Variants in ZBTB41 observed in about 807,000 individuals in gnomAD.
ZBTB41 encodes the protein zinc finger and BTB domain-containing protein 41.
ZBTB41 carries 42 observed loss-of-function variants against 87.6 expected under a neutral mutation model. The observed-to-expected ratio is 0.48, with a 90% CI of 0.37 to 0.62. The LOEUF (loss-of-function observed/expected upper bound fraction) is 0.62, where lower values mean the gene tolerates loss of function less well. Among genes scored for constraint, ZBTB41 ranks in the 20% least tolerant of loss-of-function variants. The pLI is 0.00. For synonymous variants in ZBTB41, 364 were observed against 364.0 expected (o/e 1.00, Z 0.00); for missense variants, 799 against 1,078.9 (o/e 0.74, Z 3.63).
intron 10 of ZBTB41, among the ~76,000 whole-genome samples, chr1:197,162,102 T>C (rs1659215676): frequency 6.6e-6 from 1 of 152,162 alleles, no homozygotes; most frequent in African/African-American, 2.4e-5. Flanking sequence ...TTCCTTTGAG[T>C]AGTTTCCATT....
At chr1:197,165,069 CATAA>C in intron 10 of ZBTB41, among the ~76,000 whole-genome samples, 1 of 148,614 alleles carries the variant, frequency 6.7e-6, no homozygotes, top group South Asian at 2.1e-4. Context: ...GAGATTTTCA[CATAA>C]ATATCTCAGT....
chr1:197,165,596 C>A (rs927774533), intron 10 of ZBTB41, among the ~76,000 whole-genome samples: 1 of 147,678 alleles, frequency 6.8e-6, no homozygotes, highest in Non-Finnish European at 1.5e-5. Context: ...GGTGACAGAG[C>A]GAGACTCTAT....
Position 197,200,289 on chromosome 1 carries a change from T to C in ZBTB41, c.185A>G (p.Lys62Arg), listed in dbSNP as rs766031854. The change falls in exon 2 of 11, where the codon AAG becomes AGG. Residue 62 changes from lysine to arginine, a missense_variant. Around this residue, in one of 5 missense-constraint regions of ZBTB41, gnomAD observed 77 missense variants for 68.4 expected, o/e 1.13. Transcript: ENST00000367405. ...QELPPSPDQR[K>R]LLSSLQYNKN... ...ATTATACTGCAAAGAACTTAAAAGC[T>C]TTCTCTGATCTGGAGAGGGAGGAAG... The C allele has an allele frequency of 1.8e-5, 29 of 1,613,032 alleles. No homozygotes were observed. Among genetic ancestry groups the C allele is most frequent in the Non-Finnish European group, 2.4e-5 (28 of 1,179,792 alleles).
chr1:197,193,188 C>G (rs755531961), intron 2 of ZBTB41, among the ~76,000 whole-genome samples: 2 of 152,062 alleles, frequency 1.3e-5, no homozygotes, highest in Non-Finnish European at 2.9e-5. Flanking sequence ...GTTAGTAACA[C>G]TTCATGGGGT....
In ZBTB41 at chr1:197,199,576, T is replaced by C. The variant is rs1295128952; in HGVS notation, c.898A>G (p.Ser300Gly). Residue 300 changes from serine (S) to glycine (G), a missense_variant, in exon 2 of 11, where the codon AGT (serine) becomes GGT (glycine). Ser to Gly is a moderately conservative substitution (Grantham distance 56). Coordinates refer to ENST00000367405, the MANE Select transcript of ZBTB41 (RefSeq NM_194314.3). ...SDRNDSEDPG[S>G]EYNAEEDELE... Reference sequence around the variant, plus strand: ...TCATCTTCTTCAGCATTATATTCACTTCCAGGGTCCTCAGAATCATTTCTA... The same window carrying C: ...TCATCTTCTTCAGCATTATATTCACCTCCAGGGTCCTCAGAATCATTTCTA... 5.0e-6 allele frequency: 8 copies of C among 1,609,028 alleles called. No individual in the cohort carries two copies. Among genetic ancestry groups the C allele is most frequent in the South Asian group, 1.1e-5 (1 of 89,920 alleles).
At chr1:197,165,800 C>CGTCA (rs1659329747) in intron 10 of ZBTB41, among the ~76,000 whole-genome samples, 1 of 152,104 alleles carries the variant, frequency 6.6e-6, no homozygotes, top group Non-Finnish European at 1.5e-5. Context: ...AAGCCAGTGG[C>CGTCA]TGACAAGATG....
intron 9 of ZBTB41, 59 bp downstream of exon 9, chr1:197,174,951 C>A: frequency 7.1e-7 from 1 of 1,401,762 alleles, no homozygotes; most frequent in South Asian, 1.3e-5. Context: ...AAAAAAGTTA[C>A]AACTTTCCTC....
chr1:197,172,105 CTATA>C, intron 10 of ZBTB41, 51 bp downstream of exon 10: 2 of 686,824 alleles, frequency 2.9e-6, no homozygotes, highest in African/African-American at 1.9e-5. Context: ...TCTGATTACA[CTATA>C]TATATCTCTC....
At position 197,181,039 on chromosome 1, in the gene ZBTB41, C is replaced by T; in HGVS notation, c.1625G>A (p.Gly542Asp). 6.2e-7 allele frequency: 1 copy of T among 1,606,042 alleles called. No individual in the cohort carries two copies. The highest frequency in any genetic ancestry group is 8.5e-7 in the Non-Finnish European group (1 of 1,178,026). The change falls in exon 6 of 11, where the codon GGT (glycine) becomes GAT (aspartate). Residue 542 changes from glycine to aspartate, a missense_variant. Gly to Asp is a moderately conservative substitution (Grantham distance 94). Transcript: ENST00000367405. ...AAAGCAAGTCCATTTTCTCTTTCCA[C>T]CATGAGTACATTCTATATGACGTTT... The part of the protein sequence containing the change: ...NLKRHIECTH[G>D]GKRKWTCFIC...
At chr1:197,180,599 T>C (rs1409020483) in intron 6 of ZBTB41, among the ~76,000 whole-genome samples, 2 of 152,144 alleles carry the variant, frequency 1.3e-5, no homozygotes, top group Non-Finnish European at 2.9e-5. Flanking sequence ...TAGTAAAAGA[T>C]GGAAAGGTTA....
chr1:197,169,316 A>C (rs1385879118), intron 10 of ZBTB41, among the ~76,000 whole-genome samples: 3 of 152,064 alleles, frequency 2.0e-5, no homozygotes, highest in African/African-American at 7.2e-5. Context: ...GAACCAAGCA[A>C]ATATAAACCA....
intron 2 of ZBTB41, among the ~76,000 whole-genome samples, chr1:197,193,698 C>G (rs2125140219): frequency 6.6e-6 from 1 of 152,274 alleles, no homozygotes; most frequent in African/African-American, 2.4e-5. Flanking sequence ...CACATCCTAC[C>G]ACCACCACCT....
intron 5 of ZBTB41, among the ~76,000 whole-genome samples, chr1:197,183,965 A>T (rs1169029060): frequency 6.6e-6 from 1 of 152,172 alleles, no homozygotes; most frequent in Non-Finnish European, 1.5e-5. Context: ...CACTGATGGG[A>T]AAGTAACTAT....
intron 5 of ZBTB41, among the ~76,000 whole-genome samples, chr1:197,181,731 A>C (rs1290406893): frequency 6.6e-6 from 1 of 152,216 alleles, no homozygotes; most frequent in Admixed American, 6.5e-5. Context: ...GACAAACTGA[A>C]GAAAGAATTC....
rs368099309 is a variant in ZBTB41 at position 197,176,658 on chromosome 1, T to C, written c.1785A>G (p.Arg595=). The C allele has an allele frequency of 8.1e-6, 13 of 1,609,792 alleles. No homozygotes were observed. Among genetic ancestry groups the C allele is most frequent in the Non-Finnish European group, 1.1e-5 (13 of 1,177,484 alleles). ...CATATCTTTTATCATCATGATGTACTCGTAAGTGAAGTCTATAAAGAAAAA... is the reference window on the plus strand; with the variant it reads ...CATATCTTTTATCATCATGATGTACCCGTAAGTGAAGTCTATAAAGAAAAA... The part of the protein sequence containing the change: ...RHGSSYRLHL[R]VHHDDKRYEC... Residue 595 remains arginine (R), a synonymous_variant, in exon 8 of 11, where the codon CGA becomes CGG. Coordinates refer to ENST00000367405, the MANE Select transcript of ZBTB41 (RefSeq NM_194314.3).
At chr1:197,189,470 G>A (rs945913382) in intron 4 of ZBTB41, among the ~76,000 whole-genome samples, 17 of 151,028 alleles carry the variant, frequency 1.1e-4, no homozygotes, top group South Asian at 4.2e-4. Flanking sequence ...AGGTTGCAGC[G>A]AGCCAAGATC....
chr1:197,156,004 A>T lies in ZBTB41; in HGVS notation c.*3355T>A, dbSNP rs1343946035. The T allele has an allele frequency of 2.6e-5, 4 of 152,336 alleles. No individual in the cohort carries two copies. The allele number at this position is 152,336 out of a possible 1,614,324, so 9.4% of individuals were successfully genotyped here. On this transcript the variant is annotated 3_prime_UTR_variant, in exon 11 of 11. Coordinates refer to ENST00000367405, the MANE Select transcript of ZBTB41 (RefSeq NM_194314.3). ...AAATTCGAAGGCAAAAATTATTTTG[A>T]TAGTGTAGTGTAAAAAATAGGCTTA...
At chr1:197,192,482 T>C (rs1660059925) in intron 2 of ZBTB41, among the ~76,000 whole-genome samples, 1 of 152,216 alleles carries the variant, frequency 6.6e-6, no homozygotes, top group African/African-American at 2.4e-5. Context: ...ATAATGCACT[T>C]ACAACAGTGT....
chr1:197,163,497 A>G (rs1659246773), intron 10 of ZBTB41, among the ~76,000 whole-genome samples: 1 of 152,040 alleles, frequency 6.6e-6, no homozygotes, highest in South Asian at 2.1e-4. Flanking sequence ...CCTAATGTAC[A>G]TGTAATCAAA....
Sources: gnomAD v4.1 joint callset for allele counts (sites outside exome capture counted in the v4.1 genomes callset) on GRCh38, gnomAD v4.1.1 for gene constraint, gnomAD v4.1.1 regional missense constraint, MANE v1.5 for transcripts, NCBI Gene and HGNC (gene_info 2026-07-23, HGNC 2026-07-21) for gene names.